Variants in RGS14 observed in about 807,000 individuals in gnomAD.
The protein encoded by RGS14 is regulator of G-protein signaling 14.
RGS14 carries 33 observed loss-of-function variants against 63.8 expected under a neutral mutation model. The observed-to-expected ratio is 0.52, with a 90% CI of 0.39 to 0.69. The LOEUF (loss-of-function observed/expected upper bound fraction) is 0.69. RGS14 is among the 30% of genes least tolerant of loss of function. The pLI, the probability that RGS14 is intolerant of heterozygous loss-of-function variation, is 0.00. For synonymous variants in RGS14, 296 were observed against 320.9 expected (o/e 0.92, Z 0.83); for missense variants, 739 against 742.9 (o/e 0.99, Z 0.06).
At chr5:177,360,566 TAAAAAAAAA>T in intron 1 of RGS14, among the ~76,000 whole-genome samples, 1 of 64,840 alleles carries the variant, frequency 1.5e-5, no homozygotes, top group East Asian at 5.3e-4. Context: ...GATCCTATAT[TAAAAAAAAA>T]AAAAAAAAAA....
At chr5:177,369,014 T>C in intron 9 of RGS14, 94 bp downstream of exon 9, 4 of 1,326,120 alleles carry the variant, frequency 3.0e-6, no homozygotes, top group Middle Eastern at 1.8e-4. Context: ...CCAACCCCAA[T>C]TCAAGTTCTA....
chr5:177,372,057 C>A lies in RGS14; in HGVS notation c.1683C>A (p.Thr561=), dbSNP rs377343992. 209 of 1,613,930 alleles carry A rather than the reference C, an allele frequency of 1.3e-4. No homozygotes were observed. The highest frequency in any genetic ancestry group is 1.7e-4 in the Admixed American group (10 of 59,988). ...CCATCGGGGGATCCTTGAACTCCAC[C>A]ACCGACTCAGCCCTCTGACAGCTAC... is the stretch of plus-strand genomic sequence containing the variant. The part of the protein sequence containing the change: ...AQPIGGSLNS[T]TDSAL The change falls in exon 15 of 15, where the codon ACC becomes ACA. Residue 561 remains threonine (T), a synonymous_variant. Coordinates refer to ENST00000408923, the MANE Select transcript of RGS14 (RefSeq NM_006480.5).
rs757877107 is a variant in RGS14 at position 177,370,929 on chromosome 5, C to A, written c.1152C>A (p.Arg384=). Residue 384 remains arginine (R), a synonymous_variant, in exon 11 of 15, where the codon CGC becomes CGA. Transcript: ENST00000408923. ...GGCTGGAGCTGACGGCGCTGGAGCG[C>A]GTGGTACGAATCTCAGCCAAGCCCA... ...TFELELTALE[R]VVRISAKPTK... 5.0e-6 allele frequency: 8 copies of A among 1,607,000 alleles called. No homozygotes were observed. Among genetic ancestry groups the A allele is most frequent in the Non-Finnish European group, 5.1e-6 (6 of 1,179,676 alleles).
chr5:177,369,731 G>A (rs1364723479), intron 9 of RGS14, among the ~76,000 whole-genome samples: 1 of 152,256 alleles, frequency 6.6e-6, no homozygotes, highest in Non-Finnish European at 1.5e-5. Flanking sequence ...GGGTACTTGC[G>A]GGGCATGTTC....
rs980668408 is a variant in RGS14, at chr5:177,359,254, G to T, written c.45+1185G>T. On this transcript the variant is annotated intron_variant, in intron 1 of 14. Coordinates refer to ENST00000408923, the MANE Select transcript of RGS14 (RefSeq NM_006480.5). The surrounding 1 kb of genome is among the most constrained non-coding windows in gnomAD (Gnocchi z 4.4). ...GCCCAGCCCCGGGCTGGCCGGCTGG[G>T]AGAGAGGCCACCCTTCAAAGCCAGC... Among the ~76,000 whole-genome samples the T allele has an allele frequency of 2.0e-5, 3 of 152,034 alleles. No homozygotes were observed. The highest frequency in any genetic ancestry group is 2.0e-4 in the Admixed American group (3 of 15,270).
At position 177,366,935 on chromosome 5, in the gene RGS14, C is replaced by A. The variant is rs1440316845; in HGVS notation, c.384C>A (p.Ser128Arg). The A allele has an allele frequency of 6.2e-7, 1 of 1,613,878 alleles. No homozygotes were observed. Among genetic ancestry groups the A allele is most frequent in the Non-Finnish European group, 8.5e-7 (1 of 1,179,940 alleles). The part of the protein sequence containing the change: ...ARNIYQEFLS[S>R]QALSPVNIDR... ...ACATCTACCAGGAGTTCCTGTCCAG[C>A]CAGGCGCTGAGCCCAGTGAACATCG... is the stretch of plus-strand genomic sequence containing the variant. The change falls in exon 5 of 15, where the codon AGC (serine) becomes AGA (arginine). Residue 128 changes from serine to arginine, a missense_variant. Coordinates refer to ENST00000408923, the MANE Select transcript of RGS14 (RefSeq NM_006480.5).
At position 177,371,069 on chromosome 5, in the gene RGS14, C is replaced by CCGGGGCCGGGGCCG. The variant is rs1762240757; in HGVS notation, c.1254+38_1254+39insCGGGGCCGGGGCCG. On this transcript the variant is annotated intron_variant, in intron 11 of 14. Transcript: ENST00000408923. This position sits in a 1 kb window ranked among gnomAD's most constrained non-coding sequence, Gnocchi z 6.1. ...GCCGCGGGGCGGGGCGGGGCGGGGCCGGGCCGGGGCCGGGGCCGGGGCCGG... is the reference window on the plus strand; with the variant it reads ...GCCGCGGGGCGGGGCGGGGCGGGGCCCGGGGCCGGGGCCGGGGCCGGGGCCGGGGCCGGGGCCGG... 4.5e-5 allele frequency: 25 copies of CCGGGGCCGGGGCCG among 552,532 alleles called. 1 individual carries two copies. The African/African-American group carries it at 8.5e-4, about 19-fold the overall frequency. The allele number at this position is 552,532 out of a possible 1,614,324, so 34.2% of individuals were successfully genotyped here.
chr5:177,370,531 C>G, intron 9 of RGS14, 60 bp from the exon 10 acceptor site: 1 of 1,502,926 alleles, frequency 6.7e-7, no homozygotes, highest in Non-Finnish European at 9.3e-7. Context: ...TTCTCAGACC[C>G]ACAGGGATGG....
Position 177,371,739 on chromosome 5 carries a change from G to C in RGS14, c.1499-134G>C. ...GGATGGGGGTTGGGGGGTCAAAGGG[G>C]CTGGAACAGGGGGCCGCAGGCCATT... On this transcript the variant is annotated intron_variant, in intron 14 of 14. Coordinates refer to ENST00000408923, the MANE Select transcript of RGS14 (RefSeq NM_006480.5). The surrounding 1 kb of genome is among the most constrained non-coding windows in gnomAD (Gnocchi z 6.1). The C allele has an allele frequency of 8.3e-7, 1 of 1,205,484 alleles. No individual in the cohort carries two copies. Among genetic ancestry groups the C allele is most frequent in the Non-Finnish European group, 1.2e-6 (1 of 854,028 alleles). The allele number at this position is 1,205,484 out of a possible 1,614,324, so 74.7% of individuals were successfully genotyped here.
At chr5:177,362,718 G>T (rs6556312) in intron 1 of RGS14, among the ~76,000 whole-genome samples, 35,004 of 151,706 alleles carry the variant, frequency 0.23, 4,385 homozygotes, top group African/African-American at 0.31. Flanking sequence ...CATTAGTCAG[G>T]CCCAGGTAGG....
At chr5:177,366,056 C>T (rs960440864) in intron 2 of RGS14, 72 bp downstream of exon 2, 8 of 1,592,454 alleles carry the variant, frequency 5.0e-6, no homozygotes, top group Non-Finnish European at 6.9e-6. Context: ...TGGGGACACC[C>T]CTGCCACCTG....
At position 177,371,046 on chromosome 5, in the gene RGS14, C is replaced by CGAGGGGCGGGGCGGGGCGGGGCGGG. The variant is rs1762232664; in HGVS notation, c.1254+16_1254+17insAGGGGCGGGGCGGGGCGGGGCGGGG. On this transcript the variant is annotated intron_variant, in intron 11 of 14. Coordinates refer to ENST00000408923, the MANE Select transcript of RGS14 (RefSeq NM_006480.5). The surrounding 1 kb of genome is among the most constrained non-coding windows in gnomAD (Gnocchi z 6.1). ...TGCTGCACCGGGTGAGCTTCCGGGCCGCGGGGCGGGGCGGGGCGGGGCCGG... is the reference window on the plus strand; with the variant it reads ...TGCTGCACCGGGTGAGCTTCCGGGCCGAGGGGCGGGGCGGGGCGGGGCGGGGCGGGGCGGGGCGGGGCGGGGCCGG... 1 of 1,357,032 alleles carries CGAGGGGCGGGGCGGGGCGGGGCGGG rather than the reference C, an allele frequency of 7.4e-7. No homozygotes were observed. The highest frequency in any genetic ancestry group is 2.4e-5 in the African/African-American group (1 of 41,692). 84.1% of individuals were successfully genotyped at this position (1,357,032 alleles called of 1,614,324 possible). A position where few individuals can be genotyped will look rare whatever the true frequency, so the allele number is the denominator to read the frequency against.
intron 1 of RGS14, among the ~76,000 whole-genome samples, chr5:177,363,305 C>T (rs542902059): frequency 6.6e-6 from 1 of 151,976 alleles, no homozygotes; most frequent in Admixed American, 6.5e-5. Flanking sequence ...GAGAGCAGGG[C>T]CAGGAGGGGC....
chr5:177,359,342 A>C lies in RGS14; in HGVS notation c.45+1273A>C, dbSNP rs1376366322. 6.6e-6 allele frequency among the ~76,000 whole-genome samples: 1 copy of C among 150,462 alleles called. No homozygotes were observed. Among genetic ancestry groups the C allele is most frequent in the African/African-American group, 2.5e-5 (1 of 40,762 alleles). On this transcript the variant is annotated intron_variant, in intron 1 of 14. Transcript: ENST00000408923. The surrounding 1 kb of genome is among the most constrained non-coding windows in gnomAD (Gnocchi z 4.4). The stretch of plus-strand genomic sequence containing the variant: ...CAACGAAAGTGCAAAAAGAAAACCC[A>C]CCTCCCTTGCATTCCCATGTCACAG...
Position 177,371,182 on chromosome 5 carries a change from T to C in RGS14, c.1272T>C (p.Pro424=), listed in dbSNP as rs771996361. 1 of 1,612,814 alleles carries C rather than the reference T, an allele frequency of 6.2e-7. No homozygotes were observed. Among genetic ancestry groups the C allele is most frequent in the East Asian group, 2.2e-5 (1 of 44,822 alleles). Residue 424 remains proline, a synonymous_variant, in exon 12 of 15, where the codon CCT becomes CCC. Coordinates refer to ENST00000408923, the MANE Select transcript of RGS14 (RefSeq NM_006480.5). The surrounding 1 kb of genome is among the most constrained non-coding windows in gnomAD (Gnocchi z 6.1). ...CCCCACAGCCAGGCGAGAAACAGCC[T>C]CTGGATCTGGGGAAGCTAGTGAGCT... is the stretch of plus-strand genomic sequence containing the variant. ...VVLHRPGEKQ[P]LDLGKLVSSV...
At position 177,368,174 on chromosome 5, in the gene RGS14, AAC is replaced by A. The variant is rs1399500929; in HGVS notation, c.758_759del (p.Asn253SerfsTer30). On this transcript the variant is annotated frameshift_variant, in exon 8 of 15. Transcript: ENST00000408923. LOFTEE classifies it high-confidence loss of function. Reference sequence around the variant, plus strand: ...TTCACTAGAGCTGGGCGGGACTGCAAACGCCGCCTTGCGCCGAGAGTCTCAGG... The same window carrying A: ...TTCACTAGAGCTGGGCGGGACTGCAAGCCGCCTTGCGCCGAGAGTCTCAGG... ...SFRRELGGTANAALRRESQGS... is the reference protein window; with the variant it reads ...SFRRELGGTAXAALRRESQGS... The A allele has an allele frequency of 1.2e-5, 20 of 1,613,484 alleles. No homozygotes were observed. The highest frequency in any genetic ancestry group is 1.6e-5 in the Non-Finnish European group (19 of 1,179,906).
intron 8 of RGS14, 130 bp from the exon 9 acceptor site, chr5:177,368,587 G>A: frequency 3.3e-6 from 3 of 896,500 alleles, no homozygotes; most frequent in South Asian, 1.6e-5. Context: ...CCTGCAGGAG[G>A]ACGTATCTTT....
chr5:177,367,057 G>T, intron 5 of RGS14, 23 bp downstream of exon 5: 1 of 1,589,262 alleles, frequency 6.3e-7, no homozygotes, highest in South Asian at 1.1e-5. Flanking sequence ...GGGGGGATTG[G>T]CCTTGAAAGG....
Position 177,372,394 on chromosome 5 carries a change from G to T in RGS14, c.*319G>T. 1 of 320,306 alleles carries T rather than the reference G, an allele frequency of 3.1e-6. No individual in the cohort carries two copies. The highest frequency in any genetic ancestry group is 2.1e-5 in the African/African-American group (1 of 46,844). The allele number at this position is 320,306 out of a possible 1,614,324, so 19.8% of individuals were successfully genotyped here. A position where few individuals can be genotyped will look rare whatever the true frequency, so the allele number is the denominator to read the frequency against. On this transcript the variant is annotated 3_prime_UTR_variant, in exon 15 of 15. Transcript: ENST00000408923. ...GGCAGTGCCAGCCTCCCCAGCCTGTGCCAAGCTTCAACAGGGGCAAGAGGA... is the reference window on the plus strand; with the variant it reads ...GGCAGTGCCAGCCTCCCCAGCCTGTTCCAAGCTTCAACAGGGGCAAGAGGA...
Sources: gnomAD v4.1 joint callset for allele counts (sites outside exome capture counted in the v4.1 genomes callset) on GRCh38, gnomAD v4.1.1 for gene constraint, Gnocchi (gnomAD v3.1) non-coding constraint, MANE v1.5 for transcripts, NCBI Gene and HGNC (gene_info 2026-07-23, HGNC 2026-07-21) for gene names.